The following RGS17 variants were observed in gnomAD, a reference collection of about 807,000 sequenced individuals.
RGS17 encodes regulator of G-protein signaling 17.
RGS17 carries 12 observed loss-of-function variants against 25.5 expected under a neutral mutation model. The ratio of observed to expected loss-of-function variants is 0.47; its 90% CI spans 0.30 to 0.76. The LOEUF (loss-of-function observed/expected upper bound fraction) is 0.76. Among genes scored for constraint, RGS17 ranks in the 30% least tolerant of loss-of-function variants. The probability of loss-of-function intolerance (pLI) is 0.07; values close to 1 mark genes in which losing one functional copy is unlikely to be tolerated. For synonymous variants in RGS17, 71 were observed against 76.9 expected (o/e 0.92, Z 0.40); for missense variants, 196 against 242.2 (o/e 0.81, Z 1.27).
rs1279936475 is a variant in RGS17, at chr6:153,004,686, G to A, written c.*6888C>T. ...GTGAAAATTCTAGCATTTTCCAGAA[G>A]TATATTATTGTACATAGGTAAAATG... On this transcript the variant is annotated 3_prime_UTR_variant, in exon 5 of 5. Transcript: ENST00000206262. 1 of 151,890 alleles carries A rather than the reference G, an allele frequency of 6.6e-6. No homozygotes were observed. Among genetic ancestry groups the A allele is most frequent in the Non-Finnish European group, 1.5e-5 (1 of 67,954 alleles). The allele number at this position is 151,890 out of a possible 1,614,324, so 9.4% of individuals were successfully genotyped here. A position where few individuals can be genotyped will look rare whatever the true frequency, so the allele number is the denominator to read the frequency against.
intron 1 of RGS17, among the ~76,000 whole-genome samples, chr6:153,117,519 T>C (rs1038413669): frequency 6.6e-6 from 1 of 152,218 alleles, no homozygotes; most frequent in African/African-American, 2.4e-5. Flanking sequence ...CTTTGTACTC[T>C]TCCCACTTAG....
chr6:153,092,449 G>GT (rs1777145903), intron 1 of RGS17, among the ~76,000 whole-genome samples: 1 of 152,126 alleles, frequency 6.6e-6, no homozygotes, highest in Non-Finnish European at 1.5e-5. Context: ...CAGTATTTTG[G>GT]TATCAGTTCT....
At chr6:153,037,419 T>C (rs542351592) in intron 2 of RGS17, among the ~76,000 whole-genome samples, 1 of 151,068 alleles carries the variant, frequency 6.6e-6, no homozygotes, top group Non-Finnish European at 1.5e-5. Flanking sequence ...AGCCAAAATA[T>C]GCATTTTTTA....
intron 1 of RGS17, among the ~76,000 whole-genome samples, chr6:153,081,613 C>T (rs1018570780): frequency 3.8e-5 from 4 of 104,418 alleles, no homozygotes; most frequent in Non-Finnish European, 5.7e-5. Flanking sequence ...TTCTATTTGC[C>T]TCATCTCCTT....
At chr6:153,118,952 T>C (rs1025048682) in intron 1 of RGS17, among the ~76,000 whole-genome samples, 3 of 152,204 alleles carry the variant, frequency 2.0e-5, no homozygotes, top group Non-Finnish European at 4.4e-5. Context: ...ATTCTCTTTA[T>C]AACACATTTT....
At chr6:153,107,862 C>G (rs1302196517) in intron 1 of RGS17, among the ~76,000 whole-genome samples, 2 of 152,182 alleles carry the variant, frequency 1.3e-5, no homozygotes, top group Non-Finnish European at 2.9e-5. Context: ...TAGCAGCAAT[C>G]AAATCCCTAA....
Position 153,130,542 on chromosome 6 carries a change from C to A in RGS17, c.-26+582G>T, listed in dbSNP as rs925648416. 1.3e-5 allele frequency among the ~76,000 whole-genome samples: 2 copies of A among 151,996 alleles called. No individual in the cohort carries two copies. The highest frequency in any genetic ancestry group is 2.9e-5 in the Non-Finnish European group (2 of 68,000). ...GTATTTTACTGCTGGTCAAAGGATT[C>A]ATTTTCGCAACCTCTTCTTCGAACA... On this transcript the variant is annotated intron_variant, in intron 1 of 4. Transcript: ENST00000206262. This position sits in a 1 kb window ranked among gnomAD's most constrained non-coding sequence, Gnocchi z 6.4.
chr6:153,043,868 G>A (rs758625897), intron 2 of RGS17, 32 bp downstream of exon 2: 5 of 1,369,454 alleles, frequency 3.7e-6, no homozygotes, highest in Non-Finnish European at 5.1e-6. Flanking sequence ...TGCCAAGCCT[G>A]GGTGTGGCAT....
At chr6:153,019,796 T>C (rs781202489) in intron 4 of RGS17, among the ~76,000 whole-genome samples, 2 of 152,080 alleles carry the variant, frequency 1.3e-5, no homozygotes, top group Non-Finnish European at 2.9e-5. Flanking sequence ...TAAACCACTT[T>C]TCTTTATAAA....
chr6:153,022,800 T>G (rs1322813275), intron 4 of RGS17, among the ~76,000 whole-genome samples: 1 of 152,224 alleles, frequency 6.6e-6, no homozygotes, highest in East Asian at 1.9e-4. Context: ...GCTAAAAGCC[T>G]GAAGAATGCA....
intron 2 of RGS17, among the ~76,000 whole-genome samples, chr6:153,029,164 G>A (rs1421152508): frequency 6.6e-6 from 1 of 152,194 alleles, no homozygotes; most frequent in East Asian, 1.9e-4. Context: ...TTCAGTAAAT[G>A]TTTAACTATT....
intron 1 of RGS17, among the ~76,000 whole-genome samples, chr6:153,123,544 G>T (rs1416228761): frequency 2.0e-5 from 3 of 152,148 alleles, no homozygotes; most frequent in African/African-American, 7.2e-5. Context: ...CTAACTGCTA[G>T]ATTTAGAAAT....
chr6:153,077,879 A>T (rs1271536240), intron 1 of RGS17, among the ~76,000 whole-genome samples: 7 of 147,182 alleles, frequency 4.8e-5, no homozygotes, highest in Non-Finnish European at 9.0e-5. Flanking sequence ...TATCTTTTTT[A>T]TTTTTTTTTT....
chr6:153,121,297 A>G (rs747431269), intron 1 of RGS17, among the ~76,000 whole-genome samples: 29 of 152,186 alleles, frequency 1.9e-4, no homozygotes, highest in Admixed American at 1.3e-4. Context: ...TCTCTCTAAC[A>G]TAACATTTTA....
At chr6:153,018,354 C>T (rs1779206466) in intron 4 of RGS17, among the ~76,000 whole-genome samples, 1 of 152,092 alleles carries the variant, frequency 6.6e-6, no homozygotes, top group African/African-American at 2.4e-5. Context: ...TCTATCTCTA[C>T]CAGATATATT....
At chr6:153,079,531 T>G (rs1444481703) in intron 1 of RGS17, among the ~76,000 whole-genome samples, 1 of 152,222 alleles carries the variant, frequency 6.6e-6, no homozygotes, top group African/African-American at 2.4e-5. Flanking sequence ...AATGTTGAAT[T>G]TTGTAATTTC....
chr6:153,011,005 A>T lies in RGS17; in HGVS notation c.*569T>A, dbSNP rs902116679. 2 of 152,428 alleles carry T rather than the reference A, an allele frequency of 1.3e-5. No homozygotes were observed. The highest frequency in any genetic ancestry group is 2.4e-5 in the African/African-American group (1 of 41,410). 9.4% of individuals were successfully genotyped at this position (152,428 alleles called of 1,614,324 possible). ...TAGGATTTTCCAACAAACAGAGATA[A>T]ATAGCTCTTTTTCATGTACAGAAAT... is the stretch of plus-strand genomic sequence containing the variant. On this transcript the variant is annotated 3_prime_UTR_variant, in exon 5 of 5. Transcript: ENST00000206262.
Position 153,028,008 on chromosome 6 carries a change from G to A in RGS17, c.120-1465C>T, listed in dbSNP as rs185372554. 4.7e-3 allele frequency among the ~76,000 whole-genome samples: 717 copies of A among 152,260 alleles called. 4 individuals carry two copies. The highest frequency in any genetic ancestry group is 0.016 in the African/African-American group (674 of 41,540). ...GTGAGGACGGAGAGAATGGAGCAAAGGGAAATATTAATTTCTGACAAGCGG... is the reference window on the plus strand; with the variant it reads ...GTGAGGACGGAGAGAATGGAGCAAAAGGAAATATTAATTTCTGACAAGCGG... On this transcript the variant is annotated intron_variant, in intron 2 of 4. Coordinates refer to ENST00000206262, the MANE Select transcript of RGS17 (RefSeq NM_012419.5).
chr6:153,115,680 C>T (rs532072993), intron 1 of RGS17, among the ~76,000 whole-genome samples: 25 of 152,254 alleles, frequency 1.6e-4, no homozygotes, highest in Non-Finnish European at 3.1e-4. Context: ...AACTATACTA[C>T]AAGGCTACAG....
Sources: allele counts gnomAD v4.1 joint callset (sites outside exome capture counted in the v4.1 genomes callset), GRCh38; gene constraint gnomAD v4.1.1; non-coding constraint Gnocchi (gnomAD v3.1); transcripts MANE v1.5; gene names NCBI Gene and HGNC (gene_info 2026-07-23, HGNC 2026-07-21).